CSF1R: variants seen among roughly 807,000 people sequenced by gnomAD.
The protein encoded by CSF1R is macrophage colony-stimulating factor 1 receptor.
A neutral mutation model predicts 110.0 loss-of-function variants in CSF1R; 40 were observed. That is an observed-to-expected ratio of 0.36 (90% CI 0.28 to 0.47). The LOEUF (loss-of-function observed/expected upper bound fraction) is 0.47, where lower values mean the gene tolerates loss of function less well. Ranked by LOEUF, CSF1R falls within the 20% of genes least tolerant of loss-of-function variation. CSF1R has a pLI of 0.99. For missense variants in CSF1R, 1,052 were observed against 1,253.0 expected, an observed-to-expected ratio of 0.84 and a Z score of 2.42; for synonymous variants, 523 against 503.4, an observed-to-expected ratio of 1.04 and a Z score of -0.52.
chr5:150,062,373 C>T (rs1358505960), intron 10 of CSF1R, among the ~76,000 whole-genome samples: 1 of 146,626 alleles, frequency 6.8e-6, no homozygotes, highest in African/African-American at 2.5e-5. Flanking sequence ...GTTTCCAGAG[C>T]TCTTTTCATC....
Position 150,056,026 on chromosome 5 carries a change from CA to C in CSF1R, c.2553del (p.Leu853Ter). On this transcript the variant is annotated frameshift_variant and splice_region_variant, in exon 18 of 21. Transcript: ENST00000675795. LOFTEE classifies it high-confidence loss of function. Reference sequence around the variant, plus strand: ...GCCTGGAGTGGGCCCAGTGGCTCACCAAGTGAGAAGATCTCCCAGAGGAGGA... The same window carrying C: ...GCCTGGAGTGGGCCCAGTGGCTCACCAGTGAGAAGATCTCCCAGAGGAGGA... ...YGILLWEIFS[L>X]GLNPYPGILV... is the part of the protein sequence containing the mutation. 1 of 1,613,792 alleles carries C rather than the reference CA, an allele frequency of 6.2e-7. No homozygotes were observed. The highest frequency in any genetic ancestry group is 8.5e-7 in the Non-Finnish European group (1 of 1,179,750).
intron 10 of CSF1R, among the ~76,000 whole-genome samples, chr5:150,065,342 CCAG>C (rs1467714199): frequency 3.3e-5 from 5 of 152,330 alleles, no homozygotes; most frequent in African/African-American, 1.2e-4. Context: ...CGTAGTCTTT[CCAG>C]CAGCCTCCCT....
intron 1 of CSF1R, among the ~76,000 whole-genome samples, chr5:150,095,814 A>G (rs1008352746): frequency 5.3e-5 from 8 of 151,886 alleles, no homozygotes; most frequent in Non-Finnish European, 1.0e-4. Context: ...TCAAGAATGG[A>G]AAGTGGACAT....
chr5:150,057,072 C>T (rs73275612), intron 16 of CSF1R, among the ~76,000 whole-genome samples: 4,755 of 152,170 alleles, frequency 0.031, 260 homozygotes, highest in African/African-American at 0.11. Context: ...CTCATCTTCA[C>T]GCTGGGGACA....
rs372581926 is a variant in CSF1R, at chr5:150,080,729, C to G, written c.307+38G>C. ...TAGGGCCCATTGTAGTGGGGCCTGC[C>G]GGGTCAGGCCTCTTGGGAGGAGGCT... is the stretch of plus-strand genomic sequence containing the variant. On this transcript the variant is annotated intron_variant, in intron 2 of 20. Transcript: ENST00000675795. 2.5e-6 allele frequency: 4 copies of G among 1,611,864 alleles called. No individual in the cohort carries two copies. In the East Asian group the frequency reaches 8.9e-5, roughly 36 times the overall value.
At chr5:150,095,613 G>A (rs1759195837) in intron 1 of CSF1R, among the ~76,000 whole-genome samples, 1 of 151,436 alleles carries the variant, frequency 6.6e-6, no homozygotes, top group Admixed American at 6.6e-5. Flanking sequence ...TAAGAAACTA[G>A]AAAAAGAAGA....
intron 1 of CSF1R, among the ~76,000 whole-genome samples, chr5:150,099,978 CA>C (rs1238982022): frequency 6.6e-6 from 1 of 152,182 alleles, no homozygotes; most frequent in East Asian, 1.9e-4. Flanking sequence ...TAATAGATAT[CA>C]AGAAATATTA....
intron 5 of CSF1R, among the ~76,000 whole-genome samples, 184 bp from the exon 6 acceptor site, chr5:150,073,677 C>A (rs1758129610): frequency 2.0e-5 from 3 of 152,210 alleles, no homozygotes; most frequent in Admixed American, 2.0e-4. Context: ...ATCCCTGGAT[C>A]AAAACTTTTC....
At chr5:150,095,548 A>C (rs1400971209) in intron 1 of CSF1R, among the ~76,000 whole-genome samples, 1 of 152,214 alleles carries the variant, frequency 6.6e-6, no homozygotes, top group Non-Finnish European at 1.5e-5. Flanking sequence ...GTCACATGAA[A>C]AATTAGAAAA....
chr5:150,072,499 TAAAA>T (rs939768327), intron 6 of CSF1R, among the ~76,000 whole-genome samples: 9 of 151,918 alleles, frequency 5.9e-5, no homozygotes, highest in African/African-American at 1.9e-4. Context: ...AAAAAAATAA[TAAAA>T]AGAAAGAAAA....
chr5:150,057,669 C>A, intron 14 of CSF1R, 77 bp from the exon 15 acceptor site: 1 of 1,060,876 alleles, frequency 9.4e-7, no homozygotes, highest in South Asian at 1.3e-5. Flanking sequence ...TGACCACCCA[C>A]CACCCCATGG....
intron 9 of CSF1R, 126 bp from the exon 10 acceptor site, chr5:150,068,456 T>C: frequency 1.6e-6 from 1 of 623,128 alleles, no homozygotes; most frequent in East Asian, 2.9e-5. Flanking sequence ...TGAAGCATCC[T>C]CCACTGGAAG....
chr5:150,069,112 C>T (rs1273704057), intron 9 of CSF1R, among the ~76,000 whole-genome samples: 2 of 152,198 alleles, frequency 1.3e-5, no homozygotes. Flanking sequence ...CAGTGAGGCC[C>T]AGCGCGGCCG....
upstream of CSF1R, among the ~76,000 whole-genome samples, chr5:150,087,359 C>T (rs751154048): frequency 1.3e-4 from 20 of 152,192 alleles, no homozygotes; most frequent in Non-Finnish European, 2.5e-4. Context: ...ACTAGCCAAA[C>T]CTTTTACATT....
At chr5:150,104,589 T>C (rs1426070349) in intron 1 of CSF1R, among the ~76,000 whole-genome samples, 1 of 152,234 alleles carries the variant, frequency 6.6e-6, no homozygotes, top group Non-Finnish European at 1.5e-5. Context: ...AATTTTCTCA[T>C]TGAATCCTCA....
At chr5:150,076,961 A>G (rs963500153) in intron 5 of CSF1R, 2 of 400,010 alleles carry the variant, frequency 5.0e-6, no homozygotes, top group African/African-American at 4.1e-5. Flanking sequence ...CCATAAAGGA[A>G]TGCATGAAAG....
rs1046387941 is a variant in CSF1R, at chr5:150,053,345, TGTTA to T, written c.*720_*723del. 34 of 233,654 alleles carry T rather than the reference TGTTA, an allele frequency of 1.5e-4. No homozygotes were observed. The highest frequency in any genetic ancestry group is 3.7e-4 in the African/African-American group (17 of 45,424). The allele number at this position is 233,654 out of a possible 1,614,324, so 14.5% of individuals were successfully genotyped here. A position where few individuals can be genotyped will look rare whatever the true frequency, so the allele number is the denominator to read the frequency against. ...GGACAGAGACATCCCACGGCGTGAC[TGTTA>T]GTTAGGATGAGTCAGCTTGGGGGAG... On this transcript the variant is annotated 3_prime_UTR_variant, in exon 21 of 21. Transcript: ENST00000675795.
rs79881779 is a variant in CSF1R at position 150,093,019 on chromosome 5, T to C, written c.-180-6412A>G. Among the ~76,000 whole-genome samples, 460 of 152,256 alleles carry C rather than the reference T, an allele frequency of 3.0e-3. 4 individuals are homozygous for C. Among genetic ancestry groups the C allele is most frequent in the African/African-American group, 0.011 (443 of 41,552 alleles). On this transcript the variant is annotated intron_variant, in intron 1 of 21. Transcript: ENST00000286301. ...CCAATAAGGGGGAACTACTGCACTATGAAAAACGGGAAGAAAGGGTGTGCA... is the reference window on the plus strand; with the variant it reads ...CCAATAAGGGGGAACTACTGCACTACGAAAAACGGGAAGAAAGGGTGTGCA...
chr5:150,099,438 A>G (rs1233155967), intron 1 of CSF1R, among the ~76,000 whole-genome samples: 1 of 152,212 alleles, frequency 6.6e-6, no homozygotes, highest in East Asian at 1.9e-4. Flanking sequence ...CAAATGTTTT[A>G]GTGGCTTTAT....
Sources: gnomAD v4.1 joint callset for allele counts (sites outside exome capture counted in the v4.1 genomes callset) on GRCh38, gnomAD v4.1.1 for gene constraint, MANE v1.5 for transcripts, NCBI Gene and HGNC (gene_info 2026-07-23, HGNC 2026-07-21) for gene names.